The following MIPOL1 variants were observed in gnomAD, a reference collection of about 807,000 sequenced individuals.
The protein encoded by MIPOL1 is mirror-image polydactyly gene 1 protein.
A neutral mutation model predicts 60.9 loss-of-function variants in MIPOL1; 57 were observed. That is an observed-to-expected ratio of 0.94 (90% CI 0.76 to 1.17). MIPOL1 has a LOEUF of 1.17. Ranked by LOEUF, MIPOL1 falls within the 50% of genes most tolerant of loss-of-function variation. The probability of loss-of-function intolerance (pLI) is 0.00; values close to 1 mark genes in which losing one functional copy is unlikely to be tolerated. For missense variants in MIPOL1, 551 were observed against 511.6 expected (o/e 1.08, Z -0.74); for synonymous variants, 179 against 168.8 (o/e 1.06, Z -0.47).
chr14:37,204,420 G>A (rs1352238874), intron 1 of MIPOL1, among the ~76,000 whole-genome samples: 1 of 152,142 alleles, frequency 6.6e-6, no homozygotes, highest in Non-Finnish European at 1.5e-5. Flanking sequence ...ATCTTGAATT[G>A]TAGCTGCCAT....
At chr14:37,501,822 C>CG (rs1007254245) in intron 12 of MIPOL1, 1 of 152,224 alleles carries the variant, frequency 6.6e-6, no homozygotes, top group Non-Finnish European at 1.5e-5. Context: ...CACAAGGTGT[C>CG]GGGGGATTTC....
intron 9 of MIPOL1, among the ~76,000 whole-genome samples, chr14:37,328,985 A>T (rs1052376883): frequency 6.6e-6 from 1 of 152,168 alleles, no homozygotes; most frequent in African/African-American, 2.4e-5. Context: ...CAAAGGCCAG[A>T]GATGATGAAA....
chr14:37,458,240 G>A (rs1262881632), intron 11 of MIPOL1, among the ~76,000 whole-genome samples: 1 of 152,210 alleles, frequency 6.6e-6, no homozygotes, highest in African/African-American at 2.4e-5. Context: ...ACATCCCAAT[G>A]CCAGCATTAG....
chr14:37,363,687 A>T (rs1277797841), intron 9 of MIPOL1, among the ~76,000 whole-genome samples: 3 of 152,216 alleles, frequency 2.0e-5, no homozygotes, highest in Admixed American at 2.0e-4. Flanking sequence ...GGGACATTTA[A>T]GTCTGTAGAA....
intron 7 of MIPOL1, among the ~76,000 whole-genome samples, chr14:37,291,301 T>C (rs1044490299): frequency 1.3e-5 from 2 of 152,208 alleles, no homozygotes; most frequent in African/African-American, 4.8e-5. Flanking sequence ...GACATTTTTG[T>C]CCTTACGTGT....
At chr14:37,511,714 A>G (rs2095329156) in intron 12 of MIPOL1, among the ~76,000 whole-genome samples, 1 of 152,196 alleles carries the variant, frequency 6.6e-6, no homozygotes, top group African/African-American at 2.4e-5. Context: ...ATAGTTTCTT[A>G]AAGTAAAAGT....
intron 7 of MIPOL1, among the ~76,000 whole-genome samples, chr14:37,296,985 T>A (rs868349171): frequency 3.3e-4 from 51 of 152,274 alleles, no homozygotes; most frequent in South Asian, 3.3e-3. Context: ...TACCAAAGCC[T>A]GGCAGAGACA....
At chr14:37,244,240 C>T (rs1023289240) in intron 1 of MIPOL1, among the ~76,000 whole-genome samples, 9 of 150,578 alleles carry the variant, frequency 6.0e-5, no homozygotes, top group Admixed American at 2.7e-4. Context: ...CTGCCTCAGC[C>T]TCCCGAGTAG....
chr14:37,234,249 G>T (rs1376706551), intron 1 of MIPOL1, among the ~76,000 whole-genome samples: 1 of 151,946 alleles, frequency 6.6e-6, no homozygotes, highest in African/African-American at 2.4e-5. Context: ...TTCAGTTAGG[G>T]CATGGTCACG....
chr14:37,230,176 A>G (rs1388050314), intron 1 of MIPOL1, among the ~76,000 whole-genome samples: 2 of 152,212 alleles, frequency 1.3e-5, no homozygotes, highest in Non-Finnish European at 2.9e-5. Flanking sequence ...AAATATGTAC[A>G]ATTGTGACTT....
intron 12 of MIPOL1, among the ~76,000 whole-genome samples, chr14:37,546,451 T>C (rs2095547818): frequency 6.6e-6 from 1 of 152,190 alleles, no homozygotes; most frequent in South Asian, 2.1e-4. Context: ...ATTTAGTACA[T>C]AGAAGTTACA....
At chr14:37,344,691 G>C (rs1001760496) in intron 9 of MIPOL1, among the ~76,000 whole-genome samples, 3 of 152,022 alleles carry the variant, frequency 2.0e-5, no homozygotes, top group African/African-American at 7.2e-5. Context: ...TCTAAAGAGA[G>C]CTATCTTCTT....
intron 7 of MIPOL1, among the ~76,000 whole-genome samples, chr14:37,302,080 G>T (rs571859519): frequency 2.1e-5 from 3 of 142,044 alleles, no homozygotes; most frequent in East Asian, 2.2e-4. Flanking sequence ...ACAGGTTTTT[G>T]TCTGGACATA....
At chr14:37,240,935 A>G (rs1451255910) in intron 1 of MIPOL1, among the ~76,000 whole-genome samples, 1 of 125,202 alleles carries the variant, frequency 8.0e-6, no homozygotes, top group Non-Finnish European at 1.6e-5. Flanking sequence ...TGACACACAC[A>G]CACATACACA....
At chr14:37,445,682 G>T (rs1393596434) in intron 11 of MIPOL1, among the ~76,000 whole-genome samples, 1 of 151,842 alleles carries the variant, frequency 6.6e-6, no homozygotes, top group Admixed American at 6.6e-5. Flanking sequence ...ATACTACAAG[G>T]CTACAGTAAC....
In MIPOL1 at chr14:37,547,674, CAGTATTTTTTA is replaced by C. The variant is rs1225480879; in HGVS notation, c.*705_*715del. ...ATGTGTACTTATAAATTCACATTGT[CAGTATTTTTTA>C]ATATTGGGTCTGAATAATTATCTGA... On this transcript the variant is annotated 3_prime_UTR_variant, in exon 13 of 13. Coordinates refer to ENST00000684589, the MANE Select transcript of MIPOL1 (RefSeq NM_001388067.1). The C allele has an allele frequency of 6.6e-6, 1 of 152,480 alleles. No individual in the cohort carries two copies. The highest frequency in any genetic ancestry group is 1.5e-5 in the Non-Finnish European group (1 of 67,970). The allele number at this position is 152,480 out of a possible 1,614,324, so 9.4% of individuals were successfully genotyped here.
intron 1 of MIPOL1, among the ~76,000 whole-genome samples, chr14:37,207,211 C>G (rs1044363955): frequency 2.0e-5 from 3 of 152,092 alleles, no homozygotes. Flanking sequence ...GGGCAGTTCC[C>G]CCATACTGTT....
At chr14:37,307,480 G>A (rs138399265) in intron 7 of MIPOL1, among the ~76,000 whole-genome samples, 1 of 151,652 alleles carries the variant, frequency 6.6e-6, no homozygotes, top group African/African-American at 2.4e-5. Flanking sequence ...TCTTTATGTC[G>A]AATAATTCTA....
intron 11 of MIPOL1, among the ~76,000 whole-genome samples, chr14:37,489,490 C>G (rs1328297454): frequency 6.6e-6 from 1 of 152,148 alleles, no homozygotes. Context: ...TATTCCCTTG[C>G]TGGCAATGAG....
Sources: gnomAD v4.1 joint callset for allele counts (sites outside exome capture counted in the v4.1 genomes callset) on GRCh38, gnomAD v4.1.1 for gene constraint, MANE v1.5 for transcripts, NCBI Gene and HGNC (gene_info 2026-07-23, HGNC 2026-07-21) for gene names.